BCAS3: variants seen among roughly 807,000 people sequenced by gnomAD.
The protein encoded by BCAS3 is BCAS4/BCAS3 fusion.
BCAS3 carries 53 observed loss-of-function variants against 116.1 expected under a neutral mutation model. The ratio of observed to expected loss-of-function variants is 0.46; its 90% confidence interval spans 0.37 to 0.57. BCAS3 has a LOEUF of 0.57. Ranked by LOEUF, BCAS3 falls within the 20% of genes least tolerant of loss-of-function variation. BCAS3 has a pLI of 0.00. For missense variants in BCAS3, 917 were observed against 1,165.4 expected, an observed-to-expected ratio of 0.79 and a Z score of 3.10; for synonymous variants, 391 against 408.2, an observed-to-expected ratio of 0.96 and a Z score of 0.51.
rs968142744 is a variant in BCAS3, at chr17:61,215,091, T to C, written c.2425+130527T>C. On this transcript the variant is annotated intron_variant, in intron 22 of 23. Coordinates refer to ENST00000407086, the MANE Select transcript of BCAS3 (RefSeq NM_017679.5). This position sits in a 1 kb window ranked among gnomAD's most constrained non-coding sequence, Gnocchi z 4.8. ...TAATTTCACATATTATCTATTATTA[T>C]AGTTTTTCCTAATCTACCCCTTGAC... is the stretch of plus-strand genomic sequence containing the variant. Among the ~76,000 whole-genome samples, 60 of 152,336 alleles carry C rather than the reference T, an allele frequency of 3.9e-4. No individual in the cohort carries two copies. The highest frequency in any genetic ancestry group is 1.3e-3 in the African/African-American group (55 of 41,582).
intron 13 of BCAS3, among the ~76,000 whole-genome samples, chr17:60,943,256 A>G (rs962960411): frequency 1.3e-5 from 2 of 152,284 alleles, no homozygotes; most frequent in Non-Finnish European, 2.9e-5. Flanking sequence ...CCCTACCAGT[A>G]AGTACTAAAT....
intron 7 of BCAS3, among the ~76,000 whole-genome samples, chr17:60,823,880 T>C (rs568386853): frequency 1.1e-4 from 17 of 152,184 alleles, no homozygotes; most frequent in Non-Finnish European, 2.1e-4. Context: ...GTTTTAATTT[T>C]AGTACCATAG....
intron 10 of BCAS3, among the ~76,000 whole-genome samples, chr17:60,896,383 G>A (rs2057511125): frequency 6.6e-6 from 1 of 152,176 alleles, no homozygotes; most frequent in Non-Finnish European, 1.5e-5. Context: ...CTGGCTAGAT[G>A]ATCTGTTTAA....
intron 7 of BCAS3, among the ~76,000 whole-genome samples, chr17:60,858,179 G>C (rs550711862): frequency 6.6e-6 from 1 of 152,200 alleles, no homozygotes; most frequent in South Asian, 2.1e-4. Flanking sequence ...GTCAATTTTA[G>C]AGATTGAAGT....
chr17:61,035,356 T>C (rs2066933649), intron 17 of BCAS3, among the ~76,000 whole-genome samples: 1 of 151,802 alleles, frequency 6.6e-6, no homozygotes, highest in Non-Finnish European at 1.5e-5. Context: ...GAGGCAGAGG[T>C]GGGCGATCAC....
chr17:60,708,929 G>A (rs928468996), intron 4 of BCAS3, among the ~76,000 whole-genome samples: 3 of 151,978 alleles, frequency 2.0e-5, no homozygotes, highest in African/African-American at 7.2e-5. Context: ...AAAATACTGG[G>A]ATTATAGGTG....
intron 18 of BCAS3, 84 bp from the exon 19 acceptor site, chr17:61,040,708 A>C: frequency 9.2e-7 from 1 of 1,089,424 alleles, no homozygotes; most frequent in African/African-American, 1.6e-5. Context: ...AGTTTAAGTC[A>C]CTGTTCATAA....
rs763710668 is a variant in BCAS3 at position 61,075,026 on chromosome 17, ACT to A, written c.2130+9_2130+10del. On this transcript the variant is annotated splice_region_variant and intron_variant, in intron 20 of 23. Transcript: ENST00000407086. The stretch of plus-strand genomic sequence containing the variant: ...ATGAAGAATGGCTTTCCCAGGTAAA[ACT>A]CTGAAATATTGAGAGTATTAAAGTA... The A allele has an allele frequency of 4.4e-6, 7 of 1,590,312 alleles. No individual in the cohort carries two copies. The highest frequency in any genetic ancestry group is 6.0e-6 in the Non-Finnish European group (7 of 1,160,532).
rs2143441475 is a variant in BCAS3, at chr17:61,073,021, T to C, written c.2030-1899T>C. ...TTTCAAGGATCCTCTTGTTCTCTTC[T>C]GTATTAAGAATTAATATAGAATTTA... On this transcript the variant is annotated intron_variant, in intron 19 of 23. Transcript: ENST00000407086. The surrounding 1 kb of genome is among the most constrained non-coding windows in gnomAD (Gnocchi z 4.6). Among the ~76,000 whole-genome samples, 1 of 152,360 alleles carries C rather than the reference T, an allele frequency of 6.6e-6. No individual in the cohort carries two copies. Among genetic ancestry groups the C allele is most frequent in the East Asian group, 1.9e-4 (1 of 5,192 alleles).
intron 22 of BCAS3, among the ~76,000 whole-genome samples, chr17:61,154,812 GT>G (rs1249788533): frequency 2.6e-5 from 4 of 151,694 alleles, no homozygotes; most frequent in African/African-American, 9.7e-5. Flanking sequence ...TATTTAATGT[GT>G]TTAATGTAAA....
intron 22 of BCAS3, among the ~76,000 whole-genome samples, chr17:61,250,378 A>G (rs1397490513): frequency 1.3e-5 from 2 of 152,206 alleles, no homozygotes; most frequent in African/African-American, 4.8e-5. Context: ...CTGCTAAGCC[A>G]TTGAAAGGAT....
At chr17:60,715,336 C>T (rs1364868444) in intron 5 of BCAS3, among the ~76,000 whole-genome samples, 2 of 151,658 alleles carry the variant, frequency 1.3e-5, no homozygotes, top group Admixed American at 6.6e-5. Context: ...GGGGTTTCAC[C>T]ATGTTGGCCA....
chr17:61,248,221 C>T lies in BCAS3; in HGVS notation c.2426-120106C>T, dbSNP rs1036217158. ...ATCCTATCTCTTTTGTAGGTGGTAC[C>T]CTATTTGAGTCCTTCTGAAGACTGG... On this transcript the variant is annotated intron_variant, in intron 22 of 23. Coordinates refer to ENST00000407086, the MANE Select transcript of BCAS3 (RefSeq NM_017679.5). This position sits in a 1 kb window ranked among gnomAD's most constrained non-coding sequence, Gnocchi z 4.3. Among the ~76,000 whole-genome samples, 12 of 152,066 alleles carry T rather than the reference C, an allele frequency of 7.9e-5. No homozygotes were observed. Among genetic ancestry groups the T allele is most frequent in the African/African-American group, 2.9e-4 (12 of 41,398 alleles).
chr17:61,059,063 C>CTTTTTTTTTTTTTTTTTTTT lies in BCAS3; in HGVS notation c.2030-15839_2030-15820dup, dbSNP rs869090870. 7.6e-4 allele frequency among the ~76,000 whole-genome samples: 25 copies of CTTTTTTTTTTTTTTTTTTTT among 32,802 alleles called. 5 individuals are homozygous for CTTTTTTTTTTTTTTTTTTTT. The highest frequency in any genetic ancestry group is 8.2e-4 in the Non-Finnish European group (13 of 15,840). The allele number at this position is 32,802 out of a possible 152,430, so 21.5% of individuals were successfully genotyped here. ...TCCCCGAACTCTTTTTTCTCCCCAT[C>CTTTTTTTTTTTTTTTTTTTT]TTTTTTTTTTTTTTTTTTTTTTTTT... is the stretch of plus-strand genomic sequence containing the variant. On this transcript the variant is annotated intron_variant, in intron 19 of 23. Coordinates refer to ENST00000407086, the MANE Select transcript of BCAS3 (RefSeq NM_017679.5).
intron 22 of BCAS3, among the ~76,000 whole-genome samples, chr17:61,146,917 T>A (rs771923591): frequency 6.6e-6 from 1 of 152,164 alleles, no homozygotes; most frequent in South Asian, 2.1e-4. Flanking sequence ...TTTTTTAATT[T>A]AAAAAAAATT....
At position 60,679,185 on chromosome 17, in the gene BCAS3, A is replaced by T. The variant is rs1237131157; in HGVS notation, c.-5-268A>T. 3.9e-5 allele frequency among the ~76,000 whole-genome samples: 6 copies of T among 152,362 alleles called. No individual in the cohort carries two copies. In the South Asian group the frequency reaches 1.2e-3, roughly 32 times the overall value. On this transcript the variant is annotated intron_variant, in intron 1 of 23. Coordinates refer to ENST00000407086, the MANE Select transcript of BCAS3 (RefSeq NM_017679.5). ...GATTGCCATGAGCAGAGATCGTGCC[A>T]CTGAACTCCAGCCTGGGCGACAGAG...
At chr17:60,724,420 CAAAAAAAAAAA>C (rs748461644) in intron 5 of BCAS3, among the ~76,000 whole-genome samples, 4 of 39,782 alleles carry the variant, frequency 1.0e-4, no homozygotes, top group African/African-American at 3.9e-4. Context: ...GAGACTGTCT[CAAAAAAAAAAA>C]AAAAAAAAAA....
chr17:60,765,125 A>G (rs1401033251), intron 6 of BCAS3, among the ~76,000 whole-genome samples: 2 of 152,096 alleles, frequency 1.3e-5, no homozygotes, highest in Middle Eastern at 3.2e-3. Flanking sequence ...GCACACTGAT[A>G]GGTCTTGACT....
chr17:60,985,673 C>T (rs2063099144), intron 14 of BCAS3, among the ~76,000 whole-genome samples: 1 of 152,118 alleles, frequency 6.6e-6, no homozygotes, highest in Non-Finnish European at 1.5e-5. Context: ...CCTCCCTCCA[C>T]TACCCTTTCC....
Sources: allele counts gnomAD v4.1 joint callset (sites outside exome capture counted in the v4.1 genomes callset), GRCh38; gene constraint gnomAD v4.1.1; non-coding constraint Gnocchi (gnomAD v3.1); transcripts MANE v1.5; gene names NCBI Gene and HGNC (gene_info 2026-07-23, HGNC 2026-07-21).